ARL17B: variants seen among roughly 807,000 people sequenced by gnomAD.
ARL17B encodes ARF like GTPase 17B.
At chr17:46,286,139 G>A (rs2049901730) in intron 4 of ARL17B, among the ~76,000 whole-genome samples, 1 of 152,240 alleles carries the variant, frequency 6.6e-6, no homozygotes, top group African/African-American at 2.4e-5. Flanking sequence ...ATGGGATGAT[G>A]TTACTTATAA....
At chr17:46,278,597 T>C (rs1332969603) in intron 4 of ARL17B, among the ~76,000 whole-genome samples, 7 of 151,666 alleles carry the variant, frequency 4.6e-5, no homozygotes, top group Non-Finnish European at 8.8e-5. Flanking sequence ...AGAGATGAGG[T>C]TTCACCATCT....
At chr17:46,341,062 A>G (rs919008114) in intron 3 of ARL17B, among the ~76,000 whole-genome samples, 2 of 54,610 alleles carry the variant, frequency 3.7e-5, no homozygotes, top group Non-Finnish European at 8.5e-5. Context: ...AAACCCTTTT[A>G]TGCACACTCG....
chr17:46,285,456 G>C (rs1435809471), intron 4 of ARL17B, among the ~76,000 whole-genome samples: 1 of 151,956 alleles, frequency 6.6e-6, no homozygotes, highest in African/African-American at 2.4e-5. Context: ...TGGCCAGTCT[G>C]GTCTCAAACT....
intron 4 of ARL17B, among the ~76,000 whole-genome samples, chr17:46,279,208 G>C (rs2049687832): frequency 7.4e-6 from 1 of 135,848 alleles, no homozygotes; most frequent in African/African-American, 2.9e-5. Context: ...TTTTGAGACA[G>C]AGTCTCGCTC....
intron 3 of ARL17B, among the ~76,000 whole-genome samples, chr17:46,324,838 T>TAAAAAA (rs1276976720): frequency 6.7e-5 from 5 of 75,002 alleles, no homozygotes; most frequent in African/African-American, 1.7e-4. Context: ...AGACCCTGTC[T>TAAAAAA]AAAATATATA....
chr17:46,350,634 A>G (rs1346453898), intron 3 of ARL17B, among the ~76,000 whole-genome samples: 1 of 86,422 alleles, frequency 1.2e-5, no homozygotes, highest in African/African-American at 3.6e-5. Flanking sequence ...TGGGAGGCCA[A>G]GGTGGGCAGA....
At chr17:46,288,100 C>T (rs556932923) in intron 4 of ARL17B, among the ~76,000 whole-genome samples, 17 of 152,226 alleles carry the variant, frequency 1.1e-4, no homozygotes, top group Admixed American at 3.3e-4. Context: ...AATTGACCTG[C>T]TTCATGAATG....
chr17:46,286,006 C>T (rs976878863), intron 4 of ARL17B, among the ~76,000 whole-genome samples: 2 of 152,360 alleles, frequency 1.3e-5, no homozygotes, highest in Admixed American at 1.3e-4. Flanking sequence ...CAGACATACT[C>T]ATCAATGAGC....
At chr17:46,280,237 G>A (rs879547409) in intron 4 of ARL17B, among the ~76,000 whole-genome samples, 6 of 152,182 alleles carry the variant, frequency 3.9e-5, no homozygotes, top group African/African-American at 1.2e-4. Context: ...GGTGGCAGGC[G>A]CCTGTAATCC....
At chr17:46,276,729 A>G (rs2049595424) in intron 4 of ARL17B, among the ~76,000 whole-genome samples, 1 of 152,210 alleles carries the variant, frequency 6.6e-6, no homozygotes, top group Non-Finnish European at 1.5e-5. Context: ...GAAATTCCCT[A>G]AAAATGCAAC....
chr17:46,288,680 G>A (rs1362335752), intron 4 of ARL17B, among the ~76,000 whole-genome samples: 4 of 151,648 alleles, frequency 2.6e-5, no homozygotes, highest in East Asian at 1.9e-4. Flanking sequence ...GGTTTTGGTC[G>A]GCTTCTTTAC....
chr17:46,330,944 C>G (rs768779177), downstream of ARL17B: 3 of 724,806 alleles, frequency 4.1e-6, 1 homozygote, highest in Admixed American at 8.7e-5. Flanking sequence ...ACAGCAGGGG[C>G]CTGAGAAGTT....
intron 4 of ARL17B, among the ~76,000 whole-genome samples, chr17:46,281,570 C>T (rs1439291856): frequency 4.6e-5 from 7 of 152,156 alleles, no homozygotes; most frequent in Non-Finnish European, 1.0e-4. Flanking sequence ...GCTAGGACTA[C>T]AGGTGCACGC....
intron 4 of ARL17B, among the ~76,000 whole-genome samples, chr17:46,287,657 G>T (rs376585505): frequency 6.6e-6 from 1 of 151,514 alleles, no homozygotes; most frequent in Non-Finnish European, 1.5e-5. Flanking sequence ...TATAATGTTT[G>T]TGACAATGTG....
intron 3 of ARL17B, among the ~76,000 whole-genome samples, chr17:46,317,312 G>T (rs2051212413): frequency 1.2e-5 from 1 of 81,266 alleles, no homozygotes; most frequent in African/African-American, 3.2e-5. Context: ...GTACAGGTGT[G>T]AGCAACCATG....
chr17:46,333,134 T>C (rs1213864493), downstream of ARL17B, among the ~76,000 whole-genome samples: 1 of 109,782 alleles, frequency 9.1e-6, no homozygotes, highest in African/African-American at 2.9e-5. Flanking sequence ...CATCCTCCAG[T>C]GTGTAAGGCA....
chr17:46,340,082 A>T (rs892666806), intron 3 of ARL17B, among the ~76,000 whole-genome samples: 1 of 95,530 alleles, frequency 1.0e-5, no homozygotes, highest in African/African-American at 3.6e-5. Context: ...TTTTTTCTGG[A>T]ATGTTTTCAC....
At position 46,293,494 on chromosome 17, in the gene ARL17B, C is replaced by T. The variant is rs531669685; in HGVS notation, c.*21+6032G>A. ...GGTGAAATCACCTAGTGACACATTT[C>T]TCAAGCTCCTCACGTGGCAAGCAAT... On this transcript the variant is annotated intron_variant, in intron 4 of 4. Transcript: ENST00000570618. 2 of 236,662 alleles carry T rather than the reference C, an allele frequency of 8.5e-6. 1 individual carries two copies. Among genetic ancestry groups the T allele is most frequent in the East Asian group, 3.4e-4 (2 of 5,820 alleles). 14.7% of individuals were successfully genotyped at this position (236,662 alleles called of 1,614,324 possible).
chr17:46,358,993 AAATT>A (rs1291532973), intron 1 of ARL17B, among the ~76,000 whole-genome samples: 253 of 147,748 alleles, frequency 1.7e-3, no homozygotes, highest in South Asian at 2.9e-3. Context: ...CTGTCTCAAA[AAATT>A]AATTAATTAA....
Sources: allele counts gnomAD v4.1 joint callset (sites outside exome capture counted in the v4.1 genomes callset), GRCh38; gene constraint gnomAD v4.1.1; transcripts MANE v1.5; gene names NCBI Gene and HGNC (gene_info 2026-07-23, HGNC 2026-07-21).